The following ARHGAP27 variants were observed in gnomAD, a reference collection of about 807,000 sequenced individuals.
ARHGAP27 encodes the protein rho GTPase-activating protein 27.
ARHGAP27 carries 53 observed loss-of-function variants against 102.0 expected under a neutral mutation model. That is an observed-to-expected ratio of 0.52 (90% CI 0.42 to 0.65). The LOEUF is 0.65. ARHGAP27 is among the 30% of genes least tolerant of loss of function. The pLI is 0.00. For missense variants in ARHGAP27, 1,117 were observed against 1,256.2 expected (o/e 0.89, Z 1.68); for synonymous variants, 525 against 542.8 (o/e 0.97, Z 0.46).
At chr17:45,426,954 C>T (rs888420563) in intron 4 of ARHGAP27, among the ~76,000 whole-genome samples, 8 of 152,164 alleles carry the variant, frequency 5.3e-5, no homozygotes, top group Admixed American at 2.6e-4. Context: ...CCAGCACTCT[C>T]ATGCTTCTCT....
At chr17:45,396,404 C>G (rs540086629) in intron 16 of ARHGAP27, 83 bp downstream of exon 16, 4 of 1,466,408 alleles carry the variant, frequency 2.7e-6, no homozygotes, top group Non-Finnish European at 3.6e-6. Flanking sequence ...CTGCGTCCAT[C>G]CAGGGGTCTC....
At chr17:45,405,471 G>C (rs2047033908) in intron 5 of ARHGAP27, among the ~76,000 whole-genome samples, 1 of 151,914 alleles carries the variant, frequency 6.6e-6, no homozygotes, top group African/African-American at 2.4e-5. Context: ...AAGGCGCTCA[G>C]AGGTAGCCCC....
chr17:45,419,228 T>C (rs1423130185), intron 4 of ARHGAP27, among the ~76,000 whole-genome samples: 3 of 152,036 alleles, frequency 2.0e-5, no homozygotes, highest in Non-Finnish European at 4.4e-5. Flanking sequence ...GAGATAAACA[T>C]AAATAAACAA....
chr17:45,429,239 A>G (rs1412922531), intron 4 of ARHGAP27: 4 of 491,576 alleles, frequency 8.1e-6, no homozygotes, highest in Non-Finnish European at 1.4e-5. Flanking sequence ...AGGTTATATA[A>G]CCTCCCAGCA....
intron 4 of ARHGAP27, among the ~76,000 whole-genome samples, chr17:45,424,263 C>T (rs1361006758): frequency 6.6e-6 from 1 of 152,270 alleles, no homozygotes; most frequent in African/African-American, 2.4e-5. Flanking sequence ...CTTCTGCAAT[C>T]TGGAAACAGA....
chr17:45,432,138 T>A, intron 2 of ARHGAP27, 78 bp downstream of exon 2: 1 of 234,920 alleles, frequency 4.3e-6, no homozygotes, highest in Non-Finnish European at 8.5e-6. Context: ...GGAGGTCATT[T>A]GCACCCTGAA....
At position 45,396,971 on chromosome 17, in the gene ARHGAP27, C is replaced by T. The variant is rs755970723; in HGVS notation, c.1896G>A (p.Ser632=). Reference sequence around the variant, plus strand: ...CCTGCCAGCTTCCCAAGCGCTCGCTCGACCCGAAGTCCACTCTGCTGCTCT... The same window carrying T: ...CCTGCCAGCTTCCCAAGCGCTCGCTTGACCCGAAGTCCACTCTGCTGCTCT... ...ESESSRVDFG[S]SERLGSWQEK... is the part of the protein sequence containing the mutation. The change falls in exon 14 of 20, where the codon TCG becomes TCA. Residue 632 remains serine (S), a synonymous_variant. Transcript: ENST00000685559. 1.2e-5 allele frequency: 19 copies of T among 1,605,378 alleles called. No individual in the cohort carries two copies. Among genetic ancestry groups the T allele is most frequent in the East Asian group, 2.2e-5 (1 of 44,888 alleles).
At chr17:45,411,550 G>A (rs2047913091) in intron 4 of ARHGAP27, among the ~76,000 whole-genome samples, 1 of 152,014 alleles carries the variant, frequency 6.6e-6, no homozygotes. Context: ...TGTGGGGCAC[G>A]AGACACTTGT....
At chr17:45,406,622 G>A (rs1431824181) in intron 4 of ARHGAP27, among the ~76,000 whole-genome samples, 1 of 152,190 alleles carries the variant, frequency 6.6e-6, no homozygotes, top group Non-Finnish European at 1.5e-5. Flanking sequence ...GGTCTGGGGC[G>A]TGCCCCTGTT....
intron 3 of ARHGAP27, among the ~76,000 whole-genome samples, 189 bp downstream of exon 3, chr17:45,431,432 C>T (rs528452139): frequency 4.0e-4 from 61 of 152,364 alleles, no homozygotes; most frequent in Middle Eastern, 6.8e-3. Context: ...CAGGTTCCAA[C>T]GGGGGCCCCA....
rs919214388 is a variant in ARHGAP27, at chr17:45,425,490, A to T, written c.657+4133T>A. On this transcript the variant is annotated intron_variant, in intron 4 of 19. Transcript: ENST00000685559. ...GAGGGGCCCCCAGATGGGTTTTAGG[A>T]TTCGGGAAAGGGAGGGGAGAGATTG... 7 of 939,780 alleles carry T rather than the reference A, an allele frequency of 7.4e-6. No homozygotes were observed. The African/African-American group carries it at 1.2e-4, about 17-fold the overall frequency. 58.2% of individuals were successfully genotyped at this position (939,780 alleles called of 1,614,324 possible).
intron 4 of ARHGAP27, among the ~76,000 whole-genome samples, chr17:45,413,270 G>A (rs966089446): frequency 2.6e-5 from 4 of 151,860 alleles, no homozygotes; most frequent in African/African-American, 4.8e-5. Flanking sequence ...TGAGCAGCCC[G>A]GCTGACTCAG....
chr17:45,426,273 G>A (rs1295296216), intron 4 of ARHGAP27, among the ~76,000 whole-genome samples: 1 of 152,036 alleles, frequency 6.6e-6, no homozygotes, highest in East Asian at 1.9e-4. Context: ...AGGTGCCTAC[G>A]CCTGCCTTCC....
In ARHGAP27 at chr17:45,397,876, G is replaced by A. The variant is rs1032652194; in HGVS notation, c.1842+73C>T. On this transcript the variant is annotated intron_variant, in intron 13 of 19. Transcript: ENST00000685559. The stretch of plus-strand genomic sequence containing the variant: ...CCACTGGTACCTTAGAGCTCCCTGA[G>A]CCTGAGCAGAGGGCCCCACTCATAA... 5 of 1,350,962 alleles carry A rather than the reference G, an allele frequency of 3.7e-6. No homozygotes were observed. The African/African-American group carries it at 7.2e-5, about 19-fold the overall frequency. 83.7% of individuals were successfully genotyped at this position (1,350,962 alleles called of 1,614,324 possible).
At position 45,406,561 on chromosome 17, in the gene ARHGAP27, C is replaced by G. The variant is rs148288765; in HGVS notation, c.658-478G>C. Reference sequence around the variant, plus strand: ...TAAAACATCGATAACCCAGTTCTCACAACTGTGCACTCACAGAGGCAAGTC... The same window carrying G: ...TAAAACATCGATAACCCAGTTCTCAGAACTGTGCACTCACAGAGGCAAGTC... On this transcript the variant is annotated intron_variant, in intron 4 of 19. Transcript: ENST00000685559. 1.8e-3 allele frequency among the ~76,000 whole-genome samples: 281 copies of G among 152,346 alleles called. 3 individuals carry two copies. Among genetic ancestry groups the G allele is most frequent in the African/African-American group, 6.5e-3 (271 of 41,578 alleles).
chr17:45,425,527 G>A (rs2049507878), intron 4 of ARHGAP27: 1 of 981,778 alleles, frequency 1.0e-6, no homozygotes, highest in Non-Finnish European at 1.2e-6. Context: ...GGAAACTGCT[G>A]TGGCCACCCC....
At chr17:45,414,357 G>A (rs1293639504) in intron 4 of ARHGAP27, among the ~76,000 whole-genome samples, 1 of 151,926 alleles carries the variant, frequency 6.6e-6, no homozygotes, top group Non-Finnish European at 1.5e-5. Context: ...GCTCGGAAGT[G>A]GCCTCACCTC....
rs752707765 is a variant in ARHGAP27, at chr17:45,405,739, G to A, written c.1002C>T (p.Asn334=). The A allele has an allele frequency of 2.5e-6, 4 of 1,602,006 alleles. No homozygotes were observed. The highest frequency in any genetic ancestry group is 3.4e-6 in the Non-Finnish European group (4 of 1,179,572). ...GETAWEDEAE[N]EPEEELEMQP... ...GCATCTCCAACTCCTCCTCGGGCTC[G>A]TTCTCGGCCTCGTCCTCCCAGGCCG... Residue 334 remains asparagine (N), a synonymous_variant, in exon 5 of 20, where the codon AAC becomes AAT. Transcript: ENST00000685559.
rs1301296091 is a variant in ARHGAP27 at position 45,396,525 on chromosome 17, C to T, written c.2135G>A (p.Arg712His). 1.9e-6 allele frequency: 3 copies of T among 1,580,354 alleles called. No homozygotes were observed. Among genetic ancestry groups the T allele is most frequent in the Middle Eastern group, 1.7e-4 (1 of 5,894 alleles). The change falls in exon 16 of 20, where the codon CGC (arginine) becomes CAC (histidine). Residue 712 changes from arginine (R) to histidine (H), a missense_variant. Around this residue, in one of 3 missense-constraint regions of ARHGAP27, gnomAD observed 493 missense variants for 505.5 expected, o/e 0.98. Coordinates refer to ENST00000685559, the MANE Select transcript of ARHGAP27 (RefSeq NM_001282290.2). ...LCERERSRVP[R>H]FVQQCIRAVE... is the part of the protein sequence containing the mutation. ...GGCGCGGATGCACTGCTGCACGAAGCGTGGCACCCGGCTCCTCTCGCGCTC... is the reference window on the plus strand; with the variant it reads ...GGCGCGGATGCACTGCTGCACGAAGTGTGGCACCCGGCTCCTCTCGCGCTC...
Sources: allele counts gnomAD v4.1 joint callset (sites outside exome capture counted in the v4.1 genomes callset), GRCh38; gene constraint gnomAD v4.1.1; regional missense constraint gnomAD v4.1.1; transcripts MANE v1.5; gene names NCBI Gene and HGNC (gene_info 2026-07-23, HGNC 2026-07-21).